STXBP5L: variants seen among roughly 807,000 people sequenced by gnomAD.
STXBP5L encodes syntaxin binding protein 5L.
A neutral mutation model predicts 144.5 loss-of-function variants in STXBP5L; 65 were observed. The observed-to-expected ratio is 0.45, with a 90% confidence interval of 0.37 to 0.55. The LOEUF (loss-of-function observed/expected upper bound fraction) is 0.55. STXBP5L is among the 20% of genes least tolerant of loss of function. The pLI, the probability that STXBP5L is intolerant of heterozygous loss-of-function variation, is 0.00. For synonymous variants in STXBP5L, 505 were observed against 469.6 expected (o/e 1.08, Z -0.97); for missense variants, 1,298 against 1,405.5 (o/e 0.92, Z 1.22).
Position 121,134,653 on chromosome 3 carries a change from G to T in STXBP5L, c.669+12949G>T, listed in dbSNP as rs373783085. Among the ~76,000 whole-genome samples, 20 of 152,178 alleles carry T rather than the reference G, an allele frequency of 1.3e-4. 1 individual carries two copies. The highest frequency in any genetic ancestry group is 8.5e-4 in the Admixed American group (13 of 15,280). On this transcript the variant is annotated intron_variant, in intron 7 of 26. Transcript: ENST00000471454. ...TCCCGCCTATGAGTGAGAACATGTG[G>T]TGTTTGGTTTTTTGTTCTTGTGATA... is the stretch of plus-strand genomic sequence containing the variant.
intron 20 of STXBP5L, among the ~76,000 whole-genome samples, chr3:121,329,606 ATCCCAGT>A: frequency 6.6e-6 from 1 of 152,320 alleles, no homozygotes; most frequent in South Asian, 2.1e-4. Context: ...CATGCCTGTA[ATCCCAGT>A]GCTTTGGGAG....
intron 3 of STXBP5L, among the ~76,000 whole-genome samples, chr3:120,993,412 A>G (rs1164543727): frequency 1.3e-5 from 2 of 151,724 alleles, no homozygotes; most frequent in East Asian, 3.9e-4. Flanking sequence ...TGTTTCCCCT[A>G]TGTTTTCTTC....
chr3:120,909,487 T>C (rs918491461), intron 1 of STXBP5L, 84 bp from the exon 2 acceptor site: 4 of 1,226,106 alleles, frequency 3.3e-6, no homozygotes, highest in Non-Finnish European at 3.4e-6. Flanking sequence ...ACTTGACTAA[T>C]GAAAAGAGAA....
intron 19 of STXBP5L, among the ~76,000 whole-genome samples, chr3:121,299,825 A>C (rs2051814572): frequency 6.6e-6 from 1 of 151,972 alleles, no homozygotes; most frequent in South Asian, 2.1e-4. Flanking sequence ...TGTCTCTACC[A>C]AAAACTACAA....
chr3:121,296,331 C>T (rs1036033138), intron 19 of STXBP5L, among the ~76,000 whole-genome samples: 1 of 152,156 alleles, frequency 6.6e-6, no homozygotes, highest in Non-Finnish European at 1.5e-5. Context: ...GATTAACCAA[C>T]TTAACTGGTT....
intron 9 of STXBP5L, among the ~76,000 whole-genome samples, chr3:121,180,978 G>A (rs2047123897): frequency 6.6e-6 from 1 of 151,872 alleles, no homozygotes; most frequent in Non-Finnish European, 1.5e-5. Context: ...GAGGGAAGGG[G>A]AGGGGAGAAG....
chr3:121,418,928 TAAAAG>T (rs1576385238), intron 26 of STXBP5L, 123 bp from the exon 27 acceptor site: 1 of 977,418 alleles, frequency 1.0e-6, no homozygotes, highest in East Asian at 2.6e-5. Context: ...TTTCACAAAA[TAAAAG>T]AAGCCACTCA....
chr3:121,197,443 C>G (rs1481452482), intron 9 of STXBP5L, among the ~76,000 whole-genome samples: 3 of 151,926 alleles, frequency 2.0e-5, no homozygotes, highest in African/African-American at 4.8e-5. Context: ...TCCTCCTTTA[C>G]TGATTTTTTA....
intron 22 of STXBP5L, among the ~76,000 whole-genome samples, chr3:121,389,760 G>C (rs928215603): frequency 6.6e-6 from 1 of 152,104 alleles, no homozygotes; most frequent in East Asian, 1.9e-4. Context: ...ACAGTTTGTT[G>C]TGATTTCTGT....
chr3:121,163,152 C>T (rs146684778), intron 9 of STXBP5L, among the ~76,000 whole-genome samples: 205 of 152,256 alleles, frequency 1.3e-3, no homozygotes, highest in African/African-American at 3.8e-3. Context: ...TTCACAATAG[C>T]AAAGACTTGG....
In STXBP5L at chr3:121,038,506, A is replaced by G. The variant is rs150980159; in HGVS notation, c.288-3194A>G. Reference sequence around the variant, plus strand: ...TTTTAAATGCTTTGATACTTGTTTTATAGTTCGAAATATTTTATCTCTTAG... The same window carrying G: ...TTTTAAATGCTTTGATACTTGTTTTGTAGTTCGAAATATTTTATCTCTTAG... On this transcript the variant is annotated intron_variant, in intron 3 of 26. Coordinates refer to ENST00000471454, the MANE Select transcript of STXBP5L (RefSeq NM_001308330.2). Among the ~76,000 whole-genome samples, 8 of 151,992 alleles carry G rather than the reference A, an allele frequency of 5.3e-5. No homozygotes were observed. In the East Asian group the frequency reaches 1.4e-3, roughly 26 times the overall value.
At chr3:121,302,638 G>A (rs2051966595) in intron 19 of STXBP5L, among the ~76,000 whole-genome samples, 1 of 151,834 alleles carries the variant, frequency 6.6e-6, no homozygotes, top group Admixed American at 6.6e-5. Context: ...GTGATGTTAG[G>A]GTATCAATTT....
chr3:120,960,166 C>G (rs1462900625), intron 3 of STXBP5L, among the ~76,000 whole-genome samples: 1 of 152,204 alleles, frequency 6.6e-6, no homozygotes, highest in Admixed American at 6.5e-5. Flanking sequence ...AAATGCTCAT[C>G]ATCACTGGGC....
intron 5 of STXBP5L, among the ~76,000 whole-genome samples, chr3:121,095,508 C>G (rs900301634): frequency 6.6e-6 from 1 of 151,992 alleles, no homozygotes; most frequent in Non-Finnish European, 1.5e-5. Flanking sequence ...TTTCTCTAAC[C>G]TTCTCTTCTC....
intron 3 of STXBP5L, among the ~76,000 whole-genome samples, chr3:120,959,590 T>C (rs1938500616): frequency 6.6e-6 from 1 of 151,962 alleles, no homozygotes; most frequent in South Asian, 2.1e-4. Flanking sequence ...GCCTCAGAAA[T>C]AATGCCACAC....
intron 14 of STXBP5L, 53 bp from the exon 15 acceptor site, chr3:121,250,670 T>A: frequency 4.9e-6 from 7 of 1,425,058 alleles, no homozygotes; most frequent in Non-Finnish European, 6.8e-6. Context: ...TTTGGAGTGA[T>A]TATGATTTTT....
intron 9 of STXBP5L, among the ~76,000 whole-genome samples, chr3:121,184,484 A>T (rs2047289210): frequency 6.6e-6 from 1 of 151,830 alleles, no homozygotes. Flanking sequence ...GATCACCTTA[A>T]TGAAATAAAG....
intron 6 of STXBP5L, among the ~76,000 whole-genome samples, chr3:121,117,723 A>G (rs1473281497): frequency 2.6e-5 from 4 of 151,586 alleles, no homozygotes. Flanking sequence ...TTTAATGTTT[A>G]TTTTTCAGCT....
intron 5 of STXBP5L, among the ~76,000 whole-genome samples, chr3:121,081,011 G>A (rs910094983): frequency 5.9e-5 from 9 of 151,898 alleles, no homozygotes; most frequent in Non-Finnish European, 1.2e-4. Context: ...TTTAGGTTTG[G>A]CTGTTTAACA....
Sources: allele counts gnomAD v4.1 joint callset (sites outside exome capture counted in the v4.1 genomes callset), GRCh38; gene constraint gnomAD v4.1.1; transcripts MANE v1.5; gene names NCBI Gene and HGNC (gene_info 2026-07-23, HGNC 2026-07-21).